The following TLE2 variants were observed in gnomAD, a reference collection of about 807,000 sequenced individuals.
TLE2 encodes the protein TLE family member 2, transcriptional corepressor.
Under a neutral mutation model 97.2 loss-of-function variants are expected in TLE2, and 74 were observed. The observed-to-expected ratio is 0.76, with a 90% CI of 0.63 to 0.92. The LOEUF is 0.92. TLE2 is among the 40% of genes least tolerant of loss of function. The probability of loss-of-function intolerance (pLI) is 0.00; values close to 1 mark genes in which losing one functional copy is unlikely to be tolerated. For missense variants in TLE2, 1,038 were observed against 1,008.7 expected (o/e 1.03, Z -0.39); for synonymous variants, 499 against 432.1 (o/e 1.15, Z -1.92).
intron 5 of TLE2, among the ~76,000 whole-genome samples, chr19:3,020,975 GC>G (rs927204019): frequency 1.3e-5 from 2 of 150,414 alleles, no homozygotes; most frequent in African/African-American, 4.9e-5. Flanking sequence ...TATAATACCA[GC>G]TACTCGTGAG....
intron 5 of TLE2, among the ~76,000 whole-genome samples, chr19:3,023,989 G>A (rs917453792): frequency 7.0e-6 from 1 of 142,506 alleles, no homozygotes; most frequent in Non-Finnish European, 1.5e-5. Flanking sequence ...TCTCAGAAGA[G>A]CTAACTTTTT....
chr19:3,000,276 CA>C (rs935614186), intron 19 of TLE2, among the ~76,000 whole-genome samples: 15 of 151,382 alleles, frequency 9.9e-5, no homozygotes, highest in Non-Finnish European at 1.9e-4. Flanking sequence ...GGGTTTTCAC[CA>C]TATTAGCCAG....
At chr19:3,001,793 T>C (rs1000273671) in intron 18 of TLE2, among the ~76,000 whole-genome samples, 29 of 32,378 alleles carry the variant, frequency 9.0e-4, no homozygotes, top group African/African-American at 2.6e-3. Context: ...TTTTCTTTCT[T>C]TTTTTTTTTT....
intron 5 of TLE2, among the ~76,000 whole-genome samples, chr19:3,024,270 T>A (rs1487691085): frequency 1.3e-5 from 2 of 151,886 alleles, no homozygotes; most frequent in Non-Finnish European, 2.9e-5. Context: ...CCTCCCAAAA[T>A]GCTGGGATTA....
chr19:3,041,598 C>T (rs1047745373), intron 1 of TLE2, among the ~76,000 whole-genome samples: 1 of 152,200 alleles, frequency 6.6e-6, no homozygotes. Flanking sequence ...TGTCACCAAC[C>T]CTTGCTAGAT....
chr19:3,009,860 C>G (rs2089555834), intron 12 of TLE2, among the ~76,000 whole-genome samples, 158 bp from the exon 13 acceptor site: 1 of 149,356 alleles, frequency 6.7e-6, no homozygotes, highest in Non-Finnish European at 1.5e-5. Flanking sequence ...ACTATCGTTC[C>G]TCCAGTGGAC....
chr19:3,011,266 A>C, intron 11 of TLE2, 106 bp from the exon 12 acceptor site: 1 of 1,271,564 alleles, frequency 7.9e-7, no homozygotes, highest in Non-Finnish European at 1.1e-6. Context: ...AGTGTCTCAC[A>C]CCTGTAATCC....
At chr19:3,028,659 C>T in intron 2 of TLE2, 47 bp downstream of exon 2, 2 of 1,606,188 alleles carry the variant, frequency 1.2e-6, no homozygotes, top group South Asian at 1.1e-5. Flanking sequence ...TCGCCCCGCC[C>T]CGGCGCCCAG....
chr19:3,019,717 C>T lies in TLE2; in HGVS notation c.351G>A (p.Glu117=), dbSNP rs566026117. Residue 117 remains glutamate (E), a synonymous_variant, in exon 6 of 20, where the codon GAG becomes GAA. Coordinates refer to ENST00000262953, the MANE Select transcript of TLE2 (RefSeq NM_003260.5). This position sits in a 1 kb window ranked among gnomAD's most constrained non-coding sequence, Gnocchi z 5.1. ...GACTCACCCCGATGAGGCTGTTCAG[C>T]TCCCCCACGGTGACCTGCTTGGCGC... The part of the protein sequence containing the change: ...VERAKQVTVG[E]LNSLIGQQLQ... The T allele has an allele frequency of 1.2e-5, 19 of 1,611,970 alleles. No homozygotes were observed. The East Asian group carries it at 3.6e-4, about 30-fold the overall frequency.
At chr19:3,008,744 C>T in intron 14 of TLE2, 125 bp downstream of exon 14, 1 of 688,964 alleles carries the variant, frequency 1.5e-6, no homozygotes, top group South Asian at 2.9e-5. Context: ...AACCACTGTG[C>T]CCGGCCCACA....
chr19:3,021,548 C>T (rs540078965), intron 5 of TLE2, among the ~76,000 whole-genome samples: 8 of 152,262 alleles, frequency 5.3e-5, no homozygotes, highest in East Asian at 3.9e-4. Context: ...TAAGTGAATA[C>T]AAGTTTAAAT....
intron 5 of TLE2, among the ~76,000 whole-genome samples, chr19:3,022,488 C>T (rs2089864101): frequency 6.7e-6 from 1 of 149,580 alleles, no homozygotes; most frequent in African/African-American, 2.5e-5. Context: ...GAGATCGTGC[C>T]ATTGCACTCC....
At chr19:3,026,948 C>A (rs182344858) in intron 4 of TLE2, among the ~76,000 whole-genome samples, 7 of 149,954 alleles carry the variant, frequency 4.7e-5, no homozygotes, top group Admixed American at 4.5e-4. Flanking sequence ...TATCTCAGAA[C>A]CCTGAGGTCA....
rs2089974343 is a variant in TLE2, at chr19:3,028,007, C to T, written c.187-134G>A. 5.5e-6 allele frequency: 5 copies of T among 914,984 alleles called. No individual in the cohort carries two copies. In the South Asian group the frequency reaches 7.9e-5, roughly 14 times the overall value. 56.7% of individuals were successfully genotyped at this position (914,984 alleles called of 1,614,324 possible). A position where few individuals can be genotyped will look rare whatever the true frequency, so the allele number is the denominator to read the frequency against. Reference sequence around the variant, plus strand: ...CAGGAAGCAGAGCCCCCCCCAGCTCCACGGGGTCCCAGAGGAGGAAGCGGG... The same window carrying T: ...CAGGAAGCAGAGCCCCCCCCAGCTCTACGGGGTCCCAGAGGAGGAAGCGGG... On this transcript the variant is annotated intron_variant, in intron 3 of 19. Transcript: ENST00000262953.
In TLE2 at chr19:3,015,779, C is replaced by A. The variant is rs377618387; in HGVS notation, c.571-19G>T. ...ATGCACTCTGCGGAGAGACAAAGGC[C>A]GGGGGGAGAAAGGGTCAGGGCCCTG... On this transcript the variant is annotated intron_variant, in intron 8 of 19. Transcript: ENST00000262953. 6.3e-7 allele frequency: 1 copy of A among 1,575,464 alleles called. No homozygotes were observed. The highest frequency in any genetic ancestry group is 1.1e-5 in the South Asian group (1 of 87,184).
At position 3,005,464 on chromosome 19, in the gene TLE2, C is replaced by T. The variant is rs1382847367; in HGVS notation, c.1869G>A (p.Gln623=). 1 of 1,613,740 alleles carries T rather than the reference C, an allele frequency of 6.2e-7. No homozygotes were observed. The highest frequency in any genetic ancestry group is 8.5e-7 in the Non-Finnish European group (1 of 1,179,834). Residue 623 remains glutamine, a synonymous_variant, in exon 17 of 20, where the codon CAG becomes CAA. Transcript: ENST00000262953. ...GGGAGCTGAAGTCATGCTGCTGCAG[C>T]TGGCGGCCCTCCCGCAGGTCCCAGC... The part of the protein sequence containing the change: ...VRCWDLREGR[Q]LQQHDFSSQI...
intron 15 of TLE2, 117 bp from the exon 16 acceptor site, chr19:3,006,085 A>G (rs1227839604): frequency 7.8e-7 from 1 of 1,286,628 alleles, no homozygotes; most frequent in South Asian, 1.2e-5. Context: ...TTAGCCTGCA[A>G]GCCCTACCCT....
In TLE2 at chr19:3,006,082, G is replaced by A. The variant is rs550449761; in HGVS notation, c.1501-114C>T. The A allele has an allele frequency of 1.1e-5, 14 of 1,310,650 alleles. No individual in the cohort carries two copies. The South Asian group carries it at 1.5e-4, about 14-fold the overall frequency. The allele number at this position is 1,310,650 out of a possible 1,614,324, so 81.2% of individuals were successfully genotyped here. On this transcript the variant is annotated intron_variant, in intron 15 of 19. Transcript: ENST00000262953. ...AATGTAGCCTCATCCTGATTAGCCT[G>A]CAAGCCCTACCCTGATTGGCTGGTG...
chr19:3,046,931 TGCCTCC>T (rs2090146283), upstream of TLE2, among the ~76,000 whole-genome samples: 1 of 71,430 alleles, frequency 1.4e-5, no homozygotes, highest in Admixed American at 1.7e-4. Context: ...CCCCCTCCTC[TGCCTCC>T]CCCTCCTCCT....
Sources: gnomAD v4.1 joint callset for allele counts (sites outside exome capture counted in the v4.1 genomes callset) on GRCh38, gnomAD v4.1.1 for gene constraint, Gnocchi (gnomAD v3.1) non-coding constraint, MANE v1.5 for transcripts, NCBI Gene and HGNC (gene_info 2026-07-23, HGNC 2026-07-21) for gene names.